The following SDHA variants were observed in gnomAD, a reference collection of about 807,000 sequenced individuals.
SDHA encodes succinate dehydrogenase [ubiquinone] flavoprotein subunit, mitochondrial.
Under a neutral mutation model 78.4 loss-of-function variants are expected in SDHA, and 48 were observed. The ratio of observed to expected loss-of-function variants is 0.61; its 90% CI spans 0.49 to 0.78. The LOEUF (loss-of-function observed/expected upper bound fraction) is 0.78, where lower values mean the gene tolerates loss of function less well. Ranked by LOEUF, SDHA falls within the 30% of genes least tolerant of loss-of-function variation. The pLI, the probability that SDHA is intolerant of heterozygous loss-of-function variation, is 0.00. For synonymous variants in SDHA, 326 were observed against 353.9 expected, an observed-to-expected ratio of 0.92 and a Z score of 0.88; for missense variants, 680 against 892.7, an observed-to-expected ratio of 0.76 and a Z score of 3.04.
intron 1 of SDHA, among the ~76,000 whole-genome samples, chr5:221,394 C>T (rs1175994142): frequency 6.6e-6 from 1 of 152,152 alleles, no homozygotes; most frequent in South Asian, 2.1e-4. Flanking sequence ...CTGATACAGT[C>T]GTGCGTTTTT....
At chr5:231,362 C>T (rs771235392) in intron 7 of SDHA, among the ~76,000 whole-genome samples, 3 of 92,548 alleles carry the variant, frequency 3.2e-5, no homozygotes, top group African/African-American at 3.2e-4. Context: ...GAGTTCGAGA[C>T]CAGCCTGACC....
intron 11 of SDHA, among the ~76,000 whole-genome samples, chr5:242,715 T>C (rs565537801): frequency 1.3e-3 from 198 of 152,242 alleles, no homozygotes; most frequent in African/African-American, 4.5e-3. Flanking sequence ...ATGGAGAACA[T>C]GGAACTAAGC....
chr5:258,753 T>G (rs1383118028), downstream of SDHA, among the ~76,000 whole-genome samples: 1 of 96,874 alleles, frequency 1.0e-5, no homozygotes, highest in African/African-American at 6.7e-5. Flanking sequence ...AGCATTACCG[T>G]GTGAGCTCCG....
intron 10 of SDHA, among the ~76,000 whole-genome samples, chr5:238,115 C>T (rs901821556): frequency 4.6e-5 from 7 of 150,962 alleles, no homozygotes; most frequent in South Asian, 4.2e-4. Context: ...CCCACGCATG[C>T]AGCATCTCAC....
chr5:247,675 C>G (rs141609566), intron 11 of SDHA, among the ~76,000 whole-genome samples: 2 of 152,320 alleles, frequency 1.3e-5, no homozygotes, highest in East Asian at 3.9e-4. Context: ...TATGTACATG[C>G]ATGTGTGGAC....
intron 11 of SDHA, 120 bp downstream of exon 11, chr5:240,596 G>A: frequency 1.4e-6 from 1 of 738,384 alleles, no homozygotes; most frequent in East Asian, 2.5e-5. Flanking sequence ...TGGATGTACT[G>A]GGAGGTGGTG....
downstream of SDHA, among the ~76,000 whole-genome samples, chr5:259,470 G>GT: frequency 3.0e-5 from 1 of 33,580 alleles, no homozygotes. Context: ...TCCGCCTCCT[G>GT]CCAGAGCATT....
At chr5:226,657 G>A (rs780818790) in intron 5 of SDHA, among the ~76,000 whole-genome samples, 14 of 150,558 alleles carry the variant, frequency 9.3e-5, no homozygotes, top group Non-Finnish European at 1.0e-4. Flanking sequence ...GGCTGGGTGC[G>A]GTGGCTCACG....
intron 2 of SDHA, 94 bp downstream of exon 2, chr5:223,662 A>T (rs1308653573): frequency 2.3e-6 from 2 of 887,416 alleles, no homozygotes; most frequent in East Asian, 2.4e-5. Flanking sequence ...TCATAGACAT[A>T]AGGGAAAAAT....
At chr5:238,869 G>A (rs1337604164) in intron 10 of SDHA, among the ~76,000 whole-genome samples, 1 of 151,612 alleles carries the variant, frequency 6.6e-6, no homozygotes, top group Non-Finnish European at 1.5e-5. Context: ...GCTGAGGTTG[G>A]AGGATTGCTG....
intron 13 of SDHA, among the ~76,000 whole-genome samples, chr5:253,952 G>T (rs894744255): frequency 1.3e-5 from 2 of 151,992 alleles, no homozygotes; most frequent in Admixed American, 6.5e-5. Context: ...GAGGCAGGAG[G>T]ATTGATTGAG....
chr5:220,169 G>T (rs1734634008), intron 1 of SDHA: 1 of 323,904 alleles, frequency 3.1e-6, no homozygotes, highest in Admixed American at 3.6e-5. Flanking sequence ...TGATCATTCT[G>T]TATTTACAAC....
intron 7 of SDHA, 36 bp from the exon 8 acceptor site, chr5:233,441 A>C (rs1277010684): frequency 6.2e-7 from 1 of 1,605,314 alleles, no homozygotes. Flanking sequence ...GAGATCTAGC[A>C]ATTGTTAGGT....
intron 2 of SDHA, among the ~76,000 whole-genome samples, chr5:224,009 A>T (rs1287365296): frequency 6.6e-6 from 1 of 152,156 alleles, no homozygotes; most frequent in Non-Finnish European, 1.5e-5. Flanking sequence ...GAAAAACTGA[A>T]ACTTGCTGAG....
In SDHA at chr5:236,473, T is replaced by C. The variant is rs772729820; in HGVS notation, c.1306T>C (p.Tyr436His). 4.3e-6 allele frequency: 7 copies of C among 1,613,804 alleles called. No homozygotes were observed. The highest frequency in any genetic ancestry group is 5.9e-6 in the Non-Finnish European group (7 of 1,179,792). The stretch of plus-strand genomic sequence containing the variant: ...CCAGGATCAGATTGTGCCCGGCCTG[T>C]ACGCCTGTGGGGAGGCCGCCTGTGC... ...NGQDQIVPGL[Y>H]ACGEAACASV... Residue 436 changes from tyrosine (Y) to histidine (H), a missense_variant, in exon 10 of 15, where the codon TAC becomes CAC. Transcript: ENST00000264932.
chr5:236,227 G>A, intron 9 of SDHA: 3 of 630,100 alleles, frequency 4.8e-6, no homozygotes, highest in Admixed American at 4.9e-5. Flanking sequence ...GTTTCACCGT[G>A]TTAGCCAGAC....
chr5:258,618 A>G (rs1321205153), downstream of SDHA, among the ~76,000 whole-genome samples: 2 of 95,456 alleles, frequency 2.1e-5, no homozygotes, highest in African/African-American at 8.6e-5. Flanking sequence ...CTGCCAGAGC[A>G]TTACCGTGTG....
intron 11 of SDHA, 139 bp from the exon 12 acceptor site, chr5:250,853 A>G (rs1458141954): frequency 1.3e-6 from 1 of 754,400 alleles, no homozygotes; most frequent in Non-Finnish European, 2.3e-6. Context: ...ATAAACTCAT[A>G]GTCTGAATTT....
chr5:262,288 CAGAGCATTA>C, the SDHA span, among the ~76,000 whole-genome samples: 1 of 104,866 alleles, frequency 9.5e-6, no homozygotes, highest in Non-Finnish European at 2.1e-5. Context: ...CGCCTCCCGA[CAGAGCATTA>C]CCGTGTGAGC....
Sources: allele counts gnomAD v4.1 joint callset (sites outside exome capture counted in the v4.1 genomes callset), GRCh38; gene constraint gnomAD v4.1.1; transcripts MANE v1.5; gene names NCBI Gene and HGNC (gene_info 2026-07-23, HGNC 2026-07-21).